Variants in RSRC1 observed in about 807,000 individuals in gnomAD.
RSRC1 encodes serine/Arginine-related protein 53.
In RSRC1, 39 loss-of-function variants were observed where a neutral mutation model predicts 49.1. The ratio of observed to expected loss-of-function variants is 0.79; its 90% confidence interval spans 0.61 to 1.04. RSRC1 has a LOEUF of 1.04. RSRC1 is among the 50% of genes least tolerant of loss of function. The pLI is 0.00. For missense variants in RSRC1, 388 were observed against 402.4 expected (o/e 0.96, Z 0.31); for synonymous variants, 143 against 130.8 (o/e 1.09, Z -0.63).
At chr3:158,344,196 T>G (rs936276522) in intron 5 of RSRC1, among the ~76,000 whole-genome samples, 12 of 152,126 alleles carry the variant, frequency 7.9e-5, no homozygotes, top group Admixed American at 4.6e-4. Flanking sequence ...GAGGCTGAGG[T>G]TGTGGTGAGC....
At chr3:158,220,402 C>T (rs1041430298) in intron 4 of RSRC1, among the ~76,000 whole-genome samples, 2 of 151,488 alleles carry the variant, frequency 1.3e-5, no homozygotes, top group African/African-American at 4.8e-5. Context: ...TGATGGCCAA[C>T]GTCTTTCCAA....
chr3:158,205,329 T>C (rs935064070), intron 4 of RSRC1, among the ~76,000 whole-genome samples: 2 of 152,126 alleles, frequency 1.3e-5, no homozygotes, highest in Admixed American at 6.5e-5. Context: ...CTTAGAATCT[T>C]TTGTATCACT....
At chr3:158,353,201 A>T (rs1189973679) in intron 5 of RSRC1, among the ~76,000 whole-genome samples, 2 of 152,146 alleles carry the variant, frequency 1.3e-5, no homozygotes, top group African/African-American at 2.4e-5. Context: ...ATTAATTGCC[A>T]CCTAACTGAG....
intron 7 of RSRC1, among the ~76,000 whole-genome samples, chr3:158,472,679 G>C (rs967100291): frequency 6.6e-6 from 1 of 152,084 alleles, no homozygotes; most frequent in East Asian, 1.9e-4. Flanking sequence ...CCCACTTTTT[G>C]ATGGGGTTGT....
At chr3:158,461,422 A>T (rs1046998974) in intron 7 of RSRC1, among the ~76,000 whole-genome samples, 3 of 151,308 alleles carry the variant, frequency 2.0e-5, no homozygotes, top group African/African-American at 7.3e-5. Flanking sequence ...AAAATGTCAT[A>T]AATAGTCATA....
chr3:158,536,132 G>C (rs573154798), intron 7 of RSRC1, among the ~76,000 whole-genome samples: 12 of 151,540 alleles, frequency 7.9e-5, no homozygotes, highest in African/African-American at 2.4e-4. Flanking sequence ...TAGGAAACGT[G>C]CATCCTGATA....
chr3:158,239,542 G>A (rs1178472956), intron 4 of RSRC1, among the ~76,000 whole-genome samples: 1 of 150,236 alleles, frequency 6.7e-6, no homozygotes. Context: ...CTTGGACACA[G>A]AGTGGGGAAC....
At chr3:158,203,359 G>T (rs1465385996) in intron 4 of RSRC1, 114 bp downstream of exon 4, 8 of 1,062,156 alleles carry the variant, frequency 7.5e-6, no homozygotes, top group African/African-American at 1.6e-5. Flanking sequence ...AAGAGTAGAA[G>T]AAAATGGAAT....
rs548658017 is a variant in RSRC1, at chr3:158,487,807, G to A, written c.652+26804G>A. ...TCTACTAAAAATACAAAAATTAGCC[G>A]GACATGGTGGTGGGTCCCTGTAATC... On this transcript the variant is annotated intron_variant, in intron 7 of 9. Coordinates refer to ENST00000611884, the MANE Select transcript of RSRC1 (RefSeq NM_001271838.2). Among the ~76,000 whole-genome samples the A allele has an allele frequency of 2.0e-4, 30 of 151,536 alleles. No homozygotes were observed. The East Asian group carries it at 3.3e-3, about 17-fold the overall frequency.
At chr3:158,438,378 A>C (rs542117976) in intron 6 of RSRC1, among the ~76,000 whole-genome samples, 1 of 152,304 alleles carries the variant, frequency 6.6e-6, no homozygotes, top group Non-Finnish European at 1.5e-5. Context: ...CTAAGCAAAA[A>C]GAACAAAGCT....
At chr3:158,509,341 T>C (rs1740030969) in intron 7 of RSRC1, among the ~76,000 whole-genome samples, 1 of 152,320 alleles carries the variant, frequency 6.6e-6, no homozygotes, top group Middle Eastern at 3.4e-3. Flanking sequence ...AACAGTAATA[T>C]AGACACCTGC....
intron 5 of RSRC1, among the ~76,000 whole-genome samples, chr3:158,299,234 A>C (rs1433948821): frequency 6.6e-6 from 1 of 152,202 alleles, no homozygotes. Flanking sequence ...TTAGTTTGTA[A>C]CATCACATTC....
intron 6 of RSRC1, among the ~76,000 whole-genome samples, chr3:158,362,980 A>G (rs827107): frequency 0.95 from 144,119 of 152,290 alleles, 68,298 homozygotes; most frequent in East Asian, 1. Flanking sequence ...ATAAGAAAAG[A>G]TAGAAATTTC....
At chr3:158,331,115 C>T (rs1383259187) in intron 5 of RSRC1, among the ~76,000 whole-genome samples, 1 of 152,164 alleles carries the variant, frequency 6.6e-6, no homozygotes, top group Non-Finnish European at 1.5e-5. Context: ...CACTGGGTCC[C>T]TCCCACAACA....
At chr3:158,481,278 A>G (rs964919556) in intron 7 of RSRC1, among the ~76,000 whole-genome samples, 2 of 152,128 alleles carry the variant, frequency 1.3e-5, no homozygotes, top group African/African-American at 2.4e-5. Flanking sequence ...CCATCAAGCT[A>G]GAGTCAGTGA....
At chr3:158,288,374 G>T (rs1488365501) in intron 4 of RSRC1, among the ~76,000 whole-genome samples, 2 of 152,164 alleles carry the variant, frequency 1.3e-5, no homozygotes, top group African/African-American at 4.8e-5. Flanking sequence ...GGGTTGAAGT[G>T]GGGGGTGACG....
intron 4 of RSRC1, 21 bp downstream of exon 4, chr3:158,203,266 T>C: frequency 1.3e-6 from 2 of 1,557,910 alleles, no homozygotes; most frequent in Non-Finnish European, 1.7e-6. Context: ...GCAAATCTTA[T>C]CTGGTAAGGA....
At chr3:158,243,506 T>C (rs1723712976) in intron 4 of RSRC1, among the ~76,000 whole-genome samples, 1 of 152,228 alleles carries the variant, frequency 6.6e-6, no homozygotes. Flanking sequence ...TTCTTTTTGC[T>C]TAGGATTGCC....
chr3:158,128,343 C>T (rs773607767), intron 3 of RSRC1, among the ~76,000 whole-genome samples: 12 of 152,248 alleles, frequency 7.9e-5, no homozygotes, highest in East Asian at 3.9e-4. Context: ...CTTGGCTTTG[C>T]GCTTGCCCGG....
Sources: allele counts gnomAD v4.1 joint callset (sites outside exome capture counted in the v4.1 genomes callset), GRCh38; gene constraint gnomAD v4.1.1; transcripts MANE v1.5; gene names NCBI Gene and HGNC (gene_info 2026-07-23, HGNC 2026-07-21).